The following ROR1 variants were observed in gnomAD, a reference collection of about 807,000 sequenced individuals.
The protein encoded by ROR1 is inactive tyrosine-protein kinase transmembrane receptor ROR1.
In ROR1, 19 loss-of-function variants were observed where a neutral mutation model predicts 78.8. The observed-to-expected ratio is 0.24, with a 90% CI of 0.17 to 0.35. ROR1 has a LOEUF of 0.35. Among genes scored for constraint, ROR1 ranks in the 10% least tolerant of loss-of-function variants. The pLI is 1.00. For synonymous variants in ROR1, 386 were observed against 433.6 expected (o/e 0.89, Z 1.36); for missense variants, 917 against 1,177.8 (o/e 0.78, Z 3.24).
intron 8 of ROR1, among the ~76,000 whole-genome samples, chr1:64,165,039 G>C (rs560723081): frequency 6.6e-6 from 1 of 152,212 alleles, no homozygotes; most frequent in East Asian, 1.9e-4. Context: ...TGTCTTTGCT[G>C]TTGTGAATAG....
intron 2 of ROR1, among the ~76,000 whole-genome samples, chr1:64,015,175 C>T (rs1051085143): frequency 5.3e-5 from 8 of 152,032 alleles, no homozygotes; most frequent in East Asian, 2.0e-4. Context: ...ACGTGAACAA[C>T]ACAAGAAAGA....
At chr1:63,807,506 T>C (rs756113828) in intron 1 of ROR1, among the ~76,000 whole-genome samples, 1 of 152,232 alleles carries the variant, frequency 6.6e-6, no homozygotes, top group Non-Finnish European at 1.5e-5. Context: ...ATCTAAGATG[T>C]GTCCTGCTGA....
At position 64,150,369 on chromosome 1, in the gene ROR1, G is replaced by A. The variant is rs186193628; in HGVS notation, c.1174+7719G>A. Among the ~76,000 whole-genome samples the A allele has an allele frequency of 4.8e-4, 73 of 152,278 alleles. 1 individual carries two copies. The highest frequency in any genetic ancestry group is 4.8e-3 in the Admixed American group (73 of 15,294). On this transcript the variant is annotated intron_variant, in intron 7 of 8. Transcript: ENST00000371079. ...AATTTGCCAAAGGGCGCATTGCCCAGTTTTGTGCCTGAATAGCCTTGACTT... is the reference window on the plus strand; with the variant it reads ...AATTTGCCAAAGGGCGCATTGCCCAATTTTGTGCCTGAATAGCCTTGACTT...
chr1:63,874,357 A>C (rs1047265784), intron 1 of ROR1, among the ~76,000 whole-genome samples: 1 of 152,076 alleles, frequency 6.6e-6, no homozygotes, highest in Non-Finnish European at 1.5e-5. Context: ...CCTCTTAAAG[A>C]TAATTAAGAG....
At chr1:63,824,543 T>C (rs948988754) in intron 1 of ROR1, among the ~76,000 whole-genome samples, 4 of 152,128 alleles carry the variant, frequency 2.6e-5, no homozygotes, top group African/African-American at 9.7e-5. Flanking sequence ...TGGGGTAGGG[T>C]CTCAGAAGCA....
At chr1:64,122,486 G>A (rs973201439) in intron 4 of ROR1, among the ~76,000 whole-genome samples, 1 of 152,152 alleles carries the variant, frequency 6.6e-6, no homozygotes, top group South Asian at 2.1e-4. Flanking sequence ...CGATCCTTCA[G>A]CAGTCATGTA....
At chr1:63,791,698 C>G (rs1453325069) in intron 1 of ROR1, among the ~76,000 whole-genome samples, 1 of 152,102 alleles carries the variant, frequency 6.6e-6, no homozygotes, top group African/African-American at 2.4e-5. Context: ...CAGAATGTTG[C>G]TCTGCCCTTT....
chr1:64,104,233 T>C (rs1261625809), intron 4 of ROR1, among the ~76,000 whole-genome samples: 1 of 152,128 alleles, frequency 6.6e-6, no homozygotes, highest in Non-Finnish European at 1.5e-5. Flanking sequence ...CTAAAACTAG[T>C]ACATAGAAGA....
chr1:64,017,224 G>A lies in ROR1; in HGVS notation c.163+7848G>A, dbSNP rs183299412. ...CTCAGCCAGGAACACCTTCCTGATA[G>A]GAGAGCAGGGATTTGGATATATGCG... On this transcript the variant is annotated intron_variant, in intron 2 of 8. Coordinates refer to ENST00000371079, the MANE Select transcript of ROR1 (RefSeq NM_005012.4). Among the ~76,000 whole-genome samples, 411 of 152,232 alleles carry A rather than the reference G, an allele frequency of 2.7e-3. 1 individual carries two copies. The highest frequency in any genetic ancestry group is 9.4e-3 in the African/African-American group (389 of 41,548).
chr1:63,815,478 C>CTTTTTTTTTTTTT lies in ROR1; in HGVS notation c.91+40975_91+40976insTTTTTTTTTTTTT, dbSNP rs1446331528. Among the ~76,000 whole-genome samples, 222 of 103,382 alleles carry CTTTTTTTTTTTTT rather than the reference C, an allele frequency of 2.1e-3. 5 individuals carry two copies. The highest frequency in any genetic ancestry group is 7.8e-3 in the African/African-American group (148 of 18,986). The allele number at this position is 103,382 out of a possible 152,430, so 67.8% of individuals were successfully genotyped here. A position where few individuals can be genotyped will look rare whatever the true frequency, so the allele number is the denominator to read the frequency against. ...TTTTCTTTTTCTTTTCTTTTCTTTT[C>CTTTTTTTTTTTTT]TTTTTCTTTTTTTTTTTTTTTTGAG... On this transcript the variant is annotated intron_variant, in intron 1 of 8. Transcript: ENST00000371079.
In ROR1 at chr1:64,181,216, T is replaced by A. The variant is rs1650537346; in HGVS notation, c.*2361T>A. 1 of 152,154 alleles carries A rather than the reference T, an allele frequency of 6.6e-6. No homozygotes were observed. Among genetic ancestry groups the A allele is most frequent in the Non-Finnish European group, 1.5e-5 (1 of 67,984 alleles). The allele number at this position is 152,154 out of a possible 1,614,324, so 9.4% of individuals were successfully genotyped here. On this transcript the variant is annotated 3_prime_UTR_variant, in exon 9 of 9. Transcript: ENST00000371079. The stretch of plus-strand genomic sequence containing the variant: ...TATCTGGTCTGTTTTTCTTGTTTCC[T>A]TTGTTTTTAACTTGATATAGATTTT...
At chr1:64,091,378 G>C (rs1283878956) in intron 4 of ROR1, among the ~76,000 whole-genome samples, 3 of 152,038 alleles carry the variant, frequency 2.0e-5, no homozygotes, top group African/African-American at 7.2e-5. Flanking sequence ...TGTAATCCTA[G>C]GATTATATAC....
At chr1:63,944,691 G>T (rs1645870249) in intron 1 of ROR1, among the ~76,000 whole-genome samples, 1 of 152,144 alleles carries the variant, frequency 6.6e-6, no homozygotes, top group Non-Finnish European at 1.5e-5. Flanking sequence ...TAAATGGAAA[G>T]ATGTTGGATA....
intron 1 of ROR1, among the ~76,000 whole-genome samples, chr1:63,897,969 A>T (rs1029579631): frequency 6.6e-6 from 1 of 152,220 alleles, no homozygotes; most frequent in Non-Finnish European, 1.5e-5. Flanking sequence ...ATCTCCAGCC[A>T]GGAGACAGAG....
At chr1:64,003,566 A>G (rs1249954860) in intron 1 of ROR1, among the ~76,000 whole-genome samples, 1 of 151,986 alleles carries the variant, frequency 6.6e-6, no homozygotes, top group Non-Finnish European at 1.5e-5. Flanking sequence ...GATGAAGAAA[A>G]CTCCAAATTT....
rs1241475331 is a variant in ROR1, at chr1:63,859,442, A to C, written c.91+84934A>C. On this transcript the variant is annotated intron_variant, in intron 1 of 8. Coordinates refer to ENST00000371079, the MANE Select transcript of ROR1 (RefSeq NM_005012.4). ...AATTTAATAGTAAATATGTTAGTAC[A>C]TGTTGATTCTAGTGCCCAGCACATA... Among the ~76,000 whole-genome samples the C allele has an allele frequency of 1.3e-4, 20 of 151,830 alleles. 1 individual carries two copies. Among genetic ancestry groups the C allele is most frequent in the Admixed American group, 1.3e-3 (20 of 15,268 alleles).
chr1:64,069,539 T>C (rs2100615856), intron 4 of ROR1, among the ~76,000 whole-genome samples: 1 of 152,136 alleles, frequency 6.6e-6, no homozygotes, highest in Admixed American at 6.5e-5. Context: ...TGTGTGTGTG[T>C]ACACGTGTTC....
chr1:63,970,553 G>A (rs1015145692), intron 1 of ROR1, among the ~76,000 whole-genome samples: 4 of 151,990 alleles, frequency 2.6e-5, no homozygotes, highest in African/African-American at 9.7e-5. Context: ...AACTCACATT[G>A]TGTAGTTCAT....
chr1:63,814,333 C>T (rs567244148), intron 1 of ROR1, among the ~76,000 whole-genome samples: 6 of 152,206 alleles, frequency 3.9e-5, no homozygotes, highest in African/African-American at 1.4e-4. Flanking sequence ...TTTCAGGCAC[C>T]TCTTTTAATG....
Sources: allele counts gnomAD v4.1 joint callset (sites outside exome capture counted in the v4.1 genomes callset), GRCh38; gene constraint gnomAD v4.1.1; transcripts MANE v1.5; gene names NCBI Gene and HGNC (gene_info 2026-07-23, HGNC 2026-07-21).